The following SEC31B variants were observed in gnomAD, a reference collection of about 807,000 sequenced individuals.
SEC31B encodes protein transport protein Sec31B.
In SEC31B, 113 loss-of-function variants were observed where a neutral mutation model predicts 135.0. The observed-to-expected ratio is 0.84, with a 90% CI of 0.72 to 0.98. The LOEUF (loss-of-function observed/expected upper bound fraction) is 0.98. SEC31B is among the 50% of genes least tolerant of loss of function. The pLI is 0.00. For missense variants in SEC31B, 1,296 were observed against 1,421.1 expected (o/e 0.91, Z 1.42); for synonymous variants, 508 against 549.4 (o/e 0.92, Z 1.05).
At chr10:100,501,865 A>G (rs1360831071) in intron 11 of SEC31B, among the ~76,000 whole-genome samples, 2 of 152,192 alleles carry the variant, frequency 1.3e-5, no homozygotes, top group African/African-American at 4.8e-5. Context: ...ATGTCCTTCT[A>G]ACTAATGTTT....
At chr10:100,496,603 C>T (rs2133679141) in intron 17 of SEC31B, among the ~76,000 whole-genome samples, 172 bp from the exon 18 acceptor site, 1 of 152,336 alleles carries the variant, frequency 6.6e-6, no homozygotes, top group South Asian at 2.1e-4. Context: ...AGAAGGGCCA[C>T]CTGGCCTCAC....
chr10:100,518,689 C>T (rs968393539), intron 1 of SEC31B, among the ~76,000 whole-genome samples: 2 of 152,200 alleles, frequency 1.3e-5, no homozygotes. Flanking sequence ...TTAAAAATTA[C>T]ACTGAACTTG....
chr10:100,515,981 G>A, intron 3 of SEC31B, 115 bp downstream of exon 3: 1 of 1,291,202 alleles, frequency 7.7e-7, no homozygotes, highest in South Asian at 1.4e-5. Flanking sequence ...TCTCCAACTT[G>A]GCAAAGCTCC....
chr10:100,498,313 G>T (rs1041089965), intron 14 of SEC31B, 106 bp from the exon 15 acceptor site: 6 of 1,098,834 alleles, frequency 5.5e-6, no homozygotes, highest in African/African-American at 1.6e-5. Flanking sequence ...CACTCAGTGT[G>T]CTTGGCTCCA....
In SEC31B at chr10:100,490,056, G is replaced by C. The variant is rs745808046; in HGVS notation, c.2917C>G (p.Pro973Ala). ...VPYLPGDPGA[P>A]CSSVLPTTGI... Reference sequence around the variant, plus strand: ...GTGGTTGGGAGGACACTAGAGCATGGGGCACCTGGGTCCCCTGGAAGGTAT... The same window carrying C: ...GTGGTTGGGAGGACACTAGAGCATGCGGCACCTGGGTCCCCTGGAAGGTAT... The change falls in exon 21 of 26, where the codon CCA (proline) becomes GCA (alanine). Residue 973 changes from proline (P) to alanine (A), a missense_variant. Pro to Ala is a conservative substitution (Grantham distance 27, BLOSUM62 -1). Transcript: ENST00000370345. 9.0e-6 allele frequency: 14 copies of C among 1,563,408 alleles called. No individual in the cohort carries two copies. The highest frequency in any genetic ancestry group is 1.4e-5 in the African/African-American group (1 of 73,128).
At chr10:100,508,439 A>T in intron 5 of SEC31B, 1 of 476,066 alleles carries the variant, frequency 2.1e-6, no homozygotes, top group Non-Finnish European at 4.2e-6. Flanking sequence ...ACAAGATGCT[A>T]TCAAATTGAA....
chr10:100,496,295 G>A lies in SEC31B; in HGVS notation c.2273C>T (p.Ala758Val). The A allele has an allele frequency of 9.9e-6, 16 of 1,614,196 alleles. No individual in the cohort carries two copies. Among genetic ancestry groups the A allele is most frequent in the African/African-American group, 1.3e-5 (1 of 75,060 alleles). ...ANLLAAQGSL[A>V]TAMSFLPRDC... ...CCTGGGTAGAAAGCTCATGGCAGTG[G>A]CCAGGCTGCCCTGGGCTGCCAGGAG... The change falls in exon 18 of 26, where the codon GCC (alanine) becomes GTC (valine). Residue 758 changes from alanine (A) to valine (V), a missense_variant. Transcript: ENST00000370345.
At chr10:100,499,846 C>T (rs1851483231) in intron 11 of SEC31B, among the ~76,000 whole-genome samples, 1 of 152,252 alleles carries the variant, frequency 6.6e-6, no homozygotes, top group Non-Finnish European at 1.5e-5. Flanking sequence ...CTTCCTAGCT[C>T]TGTTACCCTG....
At chr10:100,507,655 CTCTTT>C in intron 6 of SEC31B, 88 bp from the exon 7 acceptor site, 1 of 1,557,272 alleles carries the variant, frequency 6.4e-7, no homozygotes, top group Non-Finnish European at 8.8e-7. Context: ...AGTTTTCTGT[CTCTTT>C]TGTGACTGGG....
chr10:100,494,148 G>T (rs947142658), intron 19 of SEC31B, among the ~76,000 whole-genome samples: 1 of 152,066 alleles, frequency 6.6e-6, no homozygotes, highest in Non-Finnish European at 1.5e-5. Context: ...GCTCTAGCAA[G>T]CTTCTGGCCT....
rs560167387 is a variant in SEC31B, at chr10:100,508,949, T to C, written c.495+58A>G. On this transcript the variant is annotated intron_variant, in intron 5 of 25. Coordinates refer to ENST00000370345, the MANE Select transcript of SEC31B (RefSeq NM_015490.4). The stretch of plus-strand genomic sequence containing the variant: ...TCTGATTGGCTCCAGAACTCAAGAC[T>C]TTTACTTAGGAGAATCAGCTGCACA... 6.4e-6 allele frequency: 9 copies of C among 1,407,508 alleles called. No individual in the cohort carries two copies. The East Asian group carries it at 2.1e-4, about 32-fold the overall frequency. 87.2% of individuals were successfully genotyped at this position (1,407,508 alleles called of 1,614,324 possible). A position where few individuals can be genotyped will look rare whatever the true frequency, so the allele number is the denominator to read the frequency against.
intron 21 of SEC31B, 100 bp from the exon 22 acceptor site, chr10:100,489,861 T>C: frequency 1.3e-6 from 2 of 1,580,298 alleles, no homozygotes; most frequent in Non-Finnish European, 1.7e-6. Flanking sequence ...GAGTTCACCA[T>C]ACCTCCCTCT....
chr10:100,510,150 A>G (rs1479488372), intron 3 of SEC31B, among the ~76,000 whole-genome samples: 1 of 152,230 alleles, frequency 6.6e-6, no homozygotes, highest in Non-Finnish European at 1.5e-5. Context: ...TCTTAACATC[A>G]TAAAATACTG....
intron 10 of SEC31B, among the ~76,000 whole-genome samples, chr10:100,504,779 G>C (rs1235826659): frequency 6.6e-6 from 1 of 152,020 alleles, no homozygotes; most frequent in East Asian, 1.9e-4. Flanking sequence ...TTGAAAGGCT[G>C]TGGTAGCATT....
At chr10:100,516,010 C>T (rs1326697960) in intron 3 of SEC31B, 86 bp downstream of exon 3, 5 of 1,490,902 alleles carry the variant, frequency 3.4e-6, no homozygotes, top group Non-Finnish European at 4.5e-6. Context: ...TCACTTGGCT[C>T]CTCATGAGCC....
Position 100,488,062 on chromosome 10 carries a change from G to C in SEC31B, c.3325C>G (p.Leu1109Val), listed in dbSNP as rs1403069296. The change falls in exon 25 of 26, where the codon CTG (leucine) becomes GTG (valine). Residue 1109 changes from leucine to valine, a missense_variant. By Grantham distance (32) the Leu-to-Val change is conservative (BLOSUM62 1). Transcript: ENST00000370345. ...CAGAGCTTCTCATATAGATACTCCA[G>C]ACGCTGGGCTGCCTCTTCCAGCTTC... Reference protein sequence around the residue: ...KRKLEEAAQRLEYLYEKLCEG... With the variant: ...KRKLEEAAQRVEYLYEKLCEG... The C allele has an allele frequency of 2.5e-6, 4 of 1,614,044 alleles. No homozygotes were observed. The South Asian group carries it at 4.4e-5, about 18-fold the overall frequency.
At chr10:100,505,153 A>G (rs1366842759) in intron 10 of SEC31B, among the ~76,000 whole-genome samples, 1 of 152,184 alleles carries the variant, frequency 6.6e-6, no homozygotes, top group Non-Finnish European at 1.5e-5. Context: ...GACTGGCAGA[A>G]GATATAGAAT....
Position 100,490,201 on chromosome 10 carries a change from T to A in SEC31B, c.2772A>T (p.Arg924=). ...PLPMACPGIM[R]PGSTSLPETP... is the part of the protein sequence containing the mutation. ...TCTCAGGCAGGGAGGTAGAGCCAGG[T>A]CGCATGATGCCTGGGCATGCCATGG... Residue 924 remains arginine, a synonymous_variant, in exon 21 of 26, where the codon CGA becomes CGT. Transcript: ENST00000370345. The A allele has an allele frequency of 6.2e-7, 1 of 1,610,492 alleles. No homozygotes were observed. Among genetic ancestry groups the A allele is most frequent in the African/African-American group, 1.3e-5 (1 of 74,840 alleles).
intron 7 of SEC31B, 118 bp from the exon 8 acceptor site, chr10:100,506,538 G>C: frequency 1.3e-6 from 1 of 783,634 alleles, no homozygotes; most frequent in South Asian, 1.7e-5. Flanking sequence ...CCTATAAAAT[G>C]CATGGTCTGA....
Sources: allele counts gnomAD v4.1 joint callset (sites outside exome capture counted in the v4.1 genomes callset), GRCh38; gene constraint gnomAD v4.1.1; transcripts MANE v1.5; gene names NCBI Gene and HGNC (gene_info 2026-07-23, HGNC 2026-07-21).